PTGES3L: variants seen among roughly 807,000 people sequenced by gnomAD.
PTGES3L encodes putative protein PTGES3L.
A neutral mutation model predicts 25.0 loss-of-function variants in PTGES3L; 17 were observed. That is an observed-to-expected ratio of 0.68 (90% confidence interval 0.47 to 1.02). PTGES3L has a LOEUF of 1.02. PTGES3L is among the 50% of genes least tolerant of loss of function. The pLI is 0.00. For synonymous variants in PTGES3L, 59 were observed against 65.7 expected, an observed-to-expected ratio of 0.90 and a Z score of 0.50; for missense variants, 202 against 197.5, an observed-to-expected ratio of 1.02 and a Z score of -0.14.
chr17:42,976,692 T>G (rs137958410), intron 4 of PTGES3L, among the ~76,000 whole-genome samples: 1 of 152,170 alleles, frequency 6.6e-6, no homozygotes, highest in South Asian at 2.1e-4. Context: ...AAAATAATTT[T>G]TGACACTGTA....
chr17:42,972,459 AGTGCCTGCGATTGCAGGCACGC>A (rs2049861020), intron 4 of PTGES3L, among the ~76,000 whole-genome samples: 1 of 151,314 alleles, frequency 6.6e-6, no homozygotes, highest in African/African-American at 2.4e-5. Flanking sequence ...CAGCCTGCCG[AGTGCCTGCGATTGCAGGCACGC>A]ACCGCCACGC....
chr17:42,971,308 A>ACAC (rs1164184146), intron 5 of PTGES3L, among the ~76,000 whole-genome samples: 1 of 152,144 alleles, frequency 6.6e-6, no homozygotes, highest in African/African-American at 2.4e-5. Context: ...ACACACACAG[A>ACAC]AAACAGTAGA....
intron 5 of PTGES3L, among the ~76,000 whole-genome samples, chr17:42,970,711 C>G (rs1166467863): frequency 6.9e-6 from 1 of 144,550 alleles, no homozygotes; most frequent in Non-Finnish European, 1.5e-5. Context: ...CACACACACA[C>G]ACACACAGAG....
At chr17:42,978,298 T>C (rs1006539841) in intron 4 of PTGES3L, among the ~76,000 whole-genome samples, 2 of 151,606 alleles carry the variant, frequency 1.3e-5, no homozygotes, top group African/African-American at 4.9e-5. Flanking sequence ...TCCCAGCTAC[T>C]CAGGAGGCTG....
Position 42,979,190 on chromosome 17 carries a change from G to C in PTGES3L, c.268C>G (p.Leu90Val). 1 of 1,614,140 alleles carries C rather than the reference G, an allele frequency of 6.2e-7. No individual in the cohort carries two copies. Among genetic ancestry groups the C allele is most frequent in the Non-Finnish European group, 8.5e-7 (1 of 1,180,026 alleles). ...CCCACCTTGATATCCTCCTTGGTAA[G>C]CCGCGGCCAGGCCACCTTTTCCTTC... ...KWKEKVAWPR[L>V]TKEDIKPVWL... The change falls in exon 4 of 7, where the codon CTT becomes GTT. Residue 90 changes from leucine to valine, a missense_variant. Physicochemically the swap from Leu to Val is conservative, Grantham distance 32 (BLOSUM62 1). Coordinates refer to ENST00000591916, the MANE Select transcript of PTGES3L (RefSeq NM_001261430.2).
intron 4 of PTGES3L, among the ~76,000 whole-genome samples, chr17:42,973,007 G>A (rs375494865): frequency 5.4e-5 from 8 of 148,146 alleles, no homozygotes; most frequent in Admixed American, 1.3e-4. Context: ...GCCTCTGCCC[G>A]GCCGCGACCC....
At chr17:42,971,420 C>A (rs2049834631) in intron 5 of PTGES3L, among the ~76,000 whole-genome samples, 187 bp downstream of exon 5, 1 of 152,148 alleles carries the variant, frequency 6.6e-6, no homozygotes, top group African/African-American at 2.4e-5. Context: ...CAATAATATT[C>A]TTTCCTCTCA....
At chr17:42,977,668 G>A (rs76013530) in intron 4 of PTGES3L, among the ~76,000 whole-genome samples, 5 of 140,036 alleles carry the variant, frequency 3.6e-5, no homozygotes, top group African/African-American at 1.1e-4. Context: ...AGGAAGGGAG[G>A]GAGAGAGAGA....
At chr17:42,977,621 AAAGAAGAAAAAG>A (rs2049979034) in intron 4 of PTGES3L, among the ~76,000 whole-genome samples, 1 of 50,652 alleles carries the variant, frequency 2.0e-5, no homozygotes, top group Non-Finnish European at 6.2e-5. Flanking sequence ...AAAAAAAAGA[AAAGAAGAAAAAG>A]AAAGAAAGAG....
At chr17:42,972,312 T>G (rs1199201279) in intron 4 of PTGES3L, among the ~76,000 whole-genome samples, 1 of 130,260 alleles carries the variant, frequency 7.7e-6, no homozygotes, top group Non-Finnish European at 1.6e-5. Context: ...TCTCTCTCCC[T>G]CTCCCTCTCC....
intron 4 of PTGES3L, among the ~76,000 whole-genome samples, chr17:42,974,315 G>A (rs1449539090): frequency 2.7e-5 from 4 of 148,296 alleles, no homozygotes; most frequent in Admixed American, 6.8e-5. Context: ...AGCTGAGATC[G>A]CGCCACTGCA....
chr17:42,979,818 G>A (rs2050041651), intron 1 of PTGES3L, 155 bp from the exon 2 acceptor site: 1 of 1,404,626 alleles, frequency 7.1e-7, no homozygotes. Flanking sequence ...TGACAGGAGT[G>A]GGTGGGTGTG....
chr17:42,973,343 C>A (rs1290997245), intron 4 of PTGES3L, among the ~76,000 whole-genome samples: 1 of 87,560 alleles, frequency 1.1e-5, no homozygotes, highest in Non-Finnish European at 2.4e-5. Context: ...CTCCGCCCGG[C>A]CAGCCGCCCC....
At chr17:42,979,465 A>C in intron 2 of PTGES3L, 21 bp from the exon 3 acceptor site, 1 of 1,614,172 alleles carries the variant, frequency 6.2e-7, no homozygotes, top group Non-Finnish European at 8.5e-7. Context: ...AATGAAGCTG[A>C]GGAGATGCGG....
chr17:42,970,986 ACT>A (rs1482959577), intron 5 of PTGES3L, among the ~76,000 whole-genome samples: 1 of 151,650 alleles, frequency 6.6e-6, no homozygotes, highest in African/African-American at 2.4e-5. Flanking sequence ...ACAGAGCAAG[ACT>A]CTGTCTCAAA....
intron 5 of PTGES3L, among the ~76,000 whole-genome samples, chr17:42,971,060 G>A (rs1208104828): frequency 1.3e-5 from 2 of 151,866 alleles, no homozygotes; most frequent in African/African-American, 4.8e-5. Flanking sequence ...CCACTTGGGA[G>A]GGTGAGGCAG....
intron 4 of PTGES3L, 89 bp downstream of exon 4, chr17:42,979,081 T>C: frequency 7.3e-7 from 1 of 1,365,300 alleles, no homozygotes; most frequent in Non-Finnish European, 1.0e-6. Context: ...GTTGAGTGAT[T>C]GAATATTGGC....
chr17:42,974,867 G>A (rs1484871682), intron 4 of PTGES3L, among the ~76,000 whole-genome samples: 1 of 151,880 alleles, frequency 6.6e-6, no homozygotes, highest in Non-Finnish European at 1.5e-5. Context: ...GGGCGCAGTG[G>A]CTATCACTTA....
At chr17:42,969,433 G>T in intron 6 of PTGES3L, among the ~76,000 whole-genome samples, 1 of 128,758 alleles carries the variant, frequency 7.8e-6, no homozygotes, top group Admixed American at 9.3e-5. Flanking sequence ...TTTTGAGACA[G>T]GGTCTTGCTT....
Sources: allele counts gnomAD v4.1 joint callset (sites outside exome capture counted in the v4.1 genomes callset), GRCh38; gene constraint gnomAD v4.1.1; transcripts MANE v1.5; gene names NCBI Gene and HGNC (gene_info 2026-07-23, HGNC 2026-07-21).